Variants in NDUFS7 observed in about 807,000 individuals in gnomAD.
The protein encoded by NDUFS7 is NADH:ubiquinone oxidoreductase core subunit S7.
A neutral mutation model predicts 31.1 loss-of-function variants in NDUFS7; 11 were observed. The observed-to-expected ratio is 0.35, with a 90% CI of 0.22 to 0.59. NDUFS7 has a LOEUF of 0.59. Ranked by LOEUF, NDUFS7 falls within the 20% of genes least tolerant of loss-of-function variation. The pLI, the probability that NDUFS7 is intolerant of heterozygous loss-of-function variation, is 0.79. For synonymous variants in NDUFS7, 136 were observed against 127.9 expected (o/e 1.06, Z -0.43); for missense variants, 263 against 324.2 (o/e 0.81, Z 1.45).
chr19:1,394,145 G>C (rs2082576298), intron 7 of NDUFS7: 1 of 347,050 alleles, frequency 2.9e-6, no homozygotes, highest in Non-Finnish European at 5.7e-6. Flanking sequence ...GGGCAAGCGA[G>C]AGGCACATCC....
At chr19:1,394,346 T>G in intron 7 of NDUFS7, 1 of 1,286,760 alleles carries the variant, frequency 7.8e-7, no homozygotes, top group Non-Finnish European at 1.0e-6. Context: ...CCCATGCCCC[T>G]GGCGTCTTCC....
At chr19:1,394,576 GCGGA>G in intron 7 of NDUFS7, 1 of 1,245,702 alleles carries the variant, frequency 8.0e-7, no homozygotes, top group Non-Finnish European at 1.0e-6. Context: ...CTCCCTCCCT[GCGGA>G]CCGCGCTCGG....
In NDUFS7 at chr19:1,386,077, C is replaced by T. The variant is rs76239846; in HGVS notation, c.17-1734C>T. Among the ~76,000 whole-genome samples the T allele has an allele frequency of 8.4e-3, 1,273 of 152,206 alleles. 47 individuals carry two copies. The highest frequency in any genetic ancestry group is 0.075 in the Admixed American group (1,146 of 15,284). ...GTCCTTCAGAGAGTTGTGGCCTGGA[C>T]GGGGCCATGGGAAACAGCAACCCCG... On this transcript the variant is annotated intron_variant, in intron 1 of 7. Coordinates refer to ENST00000233627, the MANE Select transcript of NDUFS7 (RefSeq NM_024407.5).
At position 1,395,569 on chromosome 19, in the gene NDUFS7, C is replaced by T. The variant is rs1245216767; in HGVS notation, c.*81C>T. On this transcript the variant is annotated 3_prime_UTR_variant, in exon 8 of 8. Coordinates refer to ENST00000233627, the MANE Select transcript of NDUFS7 (RefSeq NM_024407.5). ...TCCCGTGAGGTTGTCAATAAACCTGCCCTCGGGCTGCCGCCTCCCAGTGTG... is the reference window on the plus strand; with the variant it reads ...TCCCGTGAGGTTGTCAATAAACCTGTCCTCGGGCTGCCGCCTCCCAGTGTG... The T allele has an allele frequency of 2.7e-6, 4 of 1,479,284 alleles. No homozygotes were observed. Among genetic ancestry groups the T allele is most frequent in the African/African-American group, 2.8e-5 (2 of 71,576 alleles). The allele number at this position is 1,479,284 out of a possible 1,614,324, so 91.6% of individuals were successfully genotyped here.
At chr19:1,388,358 C>G in intron 2 of NDUFS7, 167 bp from the exon 3 acceptor site, 4 of 676,664 alleles carry the variant, frequency 5.9e-6, no homozygotes, top group Non-Finnish European at 1.1e-5. Context: ...GGGGTCGGGG[C>G]GATGGCCGCA....
intron 7 of NDUFS7, 117 bp from the exon 8 acceptor site, chr19:1,395,274 G>C: frequency 6.7e-7 from 1 of 1,485,134 alleles, no homozygotes; most frequent in Non-Finnish European, 9.0e-7. Flanking sequence ...AGGGCTGTCA[G>C]CCTCCACCTT....
Position 1,395,568 on chromosome 19 carries a change from G to T in NDUFS7, c.*80G>T. The T allele has an allele frequency of 6.7e-7, 1 of 1,484,256 alleles. No homozygotes were observed. 91.9% of individuals were successfully genotyped at this position (1,484,256 alleles called of 1,614,324 possible). A position where few individuals can be genotyped will look rare whatever the true frequency, so the allele number is the denominator to read the frequency against. On this transcript the variant is annotated 3_prime_UTR_variant, in exon 8 of 8. Transcript: ENST00000233627. ...GTCCCGTGAGGTTGTCAATAAACCTGCCCTCGGGCTGCCGCCTCCCAGTGT... is the reference window on the plus strand; with the variant it reads ...GTCCCGTGAGGTTGTCAATAAACCTTCCCTCGGGCTGCCGCCTCCCAGTGT...
intron 7 of NDUFS7, chr19:1,394,706 T>A (rs1600154477): frequency 1.7e-6 from 2 of 1,188,342 alleles, no homozygotes; most frequent in East Asian, 1.2e-4. Flanking sequence ...CGGACTGTGC[T>A]TCTCCCTCCC....
intron 1 of NDUFS7, among the ~76,000 whole-genome samples, chr19:1,385,166 A>AT (rs1321575897): frequency 2.6e-5 from 4 of 152,304 alleles, no homozygotes; most frequent in South Asian, 2.1e-4. Flanking sequence ...AAAGACATAT[A>AT]TATTTTTTTA....
At position 1,389,429 on chromosome 19, in the gene NDUFS7, G is replaced by A. The variant is rs748097649; in HGVS notation, c.228+491G>A. 25 of 458,354 alleles carry A rather than the reference G, an allele frequency of 5.5e-5. No individual in the cohort carries two copies. In the Middle Eastern group the frequency reaches 5.2e-3, roughly 95 times the overall value. The allele number at this position is 458,354 out of a possible 1,614,324, so 28.4% of individuals were successfully genotyped here. A position where few individuals can be genotyped will look rare whatever the true frequency, so the allele number is the denominator to read the frequency against. ...CTGATGCACACACACCCCTGCGGCC[G>A]TGGAGCAGGGCGGACCCTCCCGGAG... On this transcript the variant is annotated intron_variant, in intron 4 of 7. Coordinates refer to ENST00000233627, the MANE Select transcript of NDUFS7 (RefSeq NM_024407.5).
intron 1 of NDUFS7, chr19:1,387,134 G>C (rs2082512367): frequency 6.5e-6 from 1 of 154,526 alleles, no homozygotes; most frequent in South Asian, 2.0e-4. Flanking sequence ...CGTGGGCAGC[G>C]CCCTCCCCGC....
At position 1,384,247 on chromosome 19, in the gene NDUFS7, C is replaced by T. The variant is rs11668291; in HGVS notation, c.16+305C>T. 12,583 of 462,998 alleles carry T rather than the reference C, an allele frequency of 0.027. 228 individuals are homozygous for T. The highest frequency in any genetic ancestry group is 0.043 in the Middle Eastern group (75 of 1,764). The allele number at this position is 462,998 out of a possible 1,614,324, so 28.7% of individuals were successfully genotyped here. A position where few individuals can be genotyped will look rare whatever the true frequency, so the allele number is the denominator to read the frequency against. ...TCACGTCCCCGAGACCAGGGCACGG[C>T]CCGCGAGGCTGCTCTTGAGATGCCC... On this transcript the variant is annotated intron_variant, in intron 1 of 7. Coordinates refer to ENST00000233627, the MANE Select transcript of NDUFS7 (RefSeq NM_024407.5).
In NDUFS7 at chr19:1,391,178, C is replaced by A. The variant is rs376025020; in HGVS notation, c.455+13C>A. 6.2e-7 allele frequency: 1 copy of A among 1,610,822 alleles called. No homozygotes were observed. Among genetic ancestry groups the A allele is most frequent in the East Asian group, 2.2e-5 (1 of 44,784 alleles). On this transcript the variant is annotated intron_variant, in intron 6 of 7. Transcript: ENST00000233627. ...TCTCCATGGGGAGGTGAGTGCAGGG[C>A]GGGGGGTCTCCAGGGACAGACGTAG...
At chr19:1,395,093 T>C (rs1314380783) in intron 7 of NDUFS7, 6 of 1,310,326 alleles carry the variant, frequency 4.6e-6, no homozygotes, top group Non-Finnish European at 5.9e-6. Flanking sequence ...TCCTGAGGGC[T>C]GGGGCCGGGG....
chr19:1,395,428 C>T lies in NDUFS7; in HGVS notation c.582C>T (p.Ile194=). 6.2e-7 allele frequency: 1 copy of T among 1,602,362 alleles called. No individual in the cohort carries two copies. The highest frequency in any genetic ancestry group is 8.5e-7 in the Non-Finnish European group (1 of 1,176,264). The change falls in exon 8 of 8, where the codon ATC becomes ATT. Residue 194 remains isoleucine, a synonymous_variant. Transcript: ENST00000233627. ...PPTAEALLYG[I]LQLQRKIKRE... is the part of the protein sequence containing the mutation. Reference sequence around the variant, plus strand: ...CGGCCGAGGCCCTGCTCTACGGCATCCTGCAGCTGCAGAGGAAGATCAAGC... The same window carrying T: ...CGGCCGAGGCCCTGCTCTACGGCATTCTGCAGCTGCAGAGGAAGATCAAGC...
At chr19:1,395,133 G>A (rs2082587386) in intron 7 of NDUFS7, 9 of 1,385,020 alleles carry the variant, frequency 6.5e-6, no homozygotes, top group Admixed American at 3.0e-5. Context: ...CGTCTTGTCC[G>A]AGAGGTCCCT....
rs959814486 is a variant in NDUFS7 at position 1,393,896 on chromosome 19, C to A, written c.544+566C>A. 1 of 235,746 alleles carries A rather than the reference C, an allele frequency of 4.2e-6. No individual in the cohort carries two copies. The highest frequency in any genetic ancestry group is 2.2e-5 in the African/African-American group (1 of 44,560). The allele number at this position is 235,746 out of a possible 1,614,324, so 14.6% of individuals were successfully genotyped here. A position where few individuals can be genotyped will look rare whatever the true frequency, so the allele number is the denominator to read the frequency against. The stretch of plus-strand genomic sequence containing the variant: ...GAGCATTGGCTGCATACCTGAAATT[C>A]ACATCGCACCGGGAACATTCTTTAT... On this transcript the variant is annotated intron_variant, in intron 7 of 7. Coordinates refer to ENST00000233627, the MANE Select transcript of NDUFS7 (RefSeq NM_024407.5). The surrounding 1 kb of genome is among the most constrained non-coding windows in gnomAD (Gnocchi z 7.3).
chr19:1,387,711 G>C, intron 1 of NDUFS7, 100 bp from the exon 2 acceptor site: 1 of 1,092,200 alleles, frequency 9.2e-7, no homozygotes, highest in Non-Finnish European at 1.4e-6. Context: ...TGGGATCAGA[G>C]CTAGGCTGTG....
chr19:1,390,322 C>T (rs2144618498), intron 4 of NDUFS7: 1 of 193,178 alleles, frequency 5.2e-6, no homozygotes, highest in African/African-American at 2.4e-5. Context: ...CACTCTGTAG[C>T]CTGACCCTGT....
Sources: gnomAD v4.1 joint callset for allele counts (sites outside exome capture counted in the v4.1 genomes callset) on GRCh38, gnomAD v4.1.1 for gene constraint, Gnocchi (gnomAD v3.1) non-coding constraint, MANE v1.5 for transcripts, NCBI Gene and HGNC (gene_info 2026-07-23, HGNC 2026-07-21) for gene names.